Variants in ASIC2 observed in about 807,000 individuals in gnomAD.
The protein encoded by ASIC2 is acid sensing ion channel subunit 2.
Under a neutral mutation model 57.3 loss-of-function variants are expected in ASIC2, and 25 were observed. That is an observed-to-expected ratio of 0.44 (90% CI 0.32 to 0.61). The LOEUF is 0.61. Ranked by LOEUF, ASIC2 falls within the 20% of genes least tolerant of loss-of-function variation. The probability of loss-of-function intolerance (pLI) is 0.06; values close to 1 mark genes in which losing one functional copy is unlikely to be tolerated. For synonymous variants in ASIC2, 319 were observed against 307.5 expected, an observed-to-expected ratio of 1.04 and a Z score of -0.39; for missense variants, 641 against 738.1, an observed-to-expected ratio of 0.87 and a Z score of 1.52.
chr17:33,341,292 C>T lies in ASIC2; in HGVS notation c.556-229225G>A, dbSNP rs1567828474. Among the ~76,000 whole-genome samples, 4 of 152,164 alleles carry T rather than the reference C, an allele frequency of 2.6e-5. No individual in the cohort carries two copies. The South Asian group carries it at 8.3e-4, about 32-fold the overall frequency. On this transcript the variant is annotated intron_variant, in intron 1 of 9. Coordinates refer to the ASIC2 transcript ENST00000359872. Reference sequence around the variant, plus strand: ...CTTTCCCCATTCCAGGTAATTTTGACATGGGCTGTCCAGGACCAACCATGG... The same window carrying T: ...CTTTCCCCATTCCAGGTAATTTTGATATGGGCTGTCCAGGACCAACCATGG...
chr17:33,486,644 T>C (rs1487305348), intron 1 of ASIC2, among the ~76,000 whole-genome samples: 1 of 152,184 alleles, frequency 6.6e-6, no homozygotes, highest in Non-Finnish European at 1.5e-5. Flanking sequence ...AAAGCCTTGT[T>C]TTGGAGGAAT....
intron 1 of ASIC2, among the ~76,000 whole-genome samples, chr17:33,778,736 G>A (rs1368154131): frequency 2.0e-5 from 3 of 152,180 alleles, no homozygotes; most frequent in African/African-American, 7.2e-5. Flanking sequence ...TCCAAGATAA[G>A]ATGGGAAAGA....
chr17:33,193,832 T>G (rs1031336178), intron 1 of ASIC2, among the ~76,000 whole-genome samples: 1 of 152,196 alleles, frequency 6.6e-6, no homozygotes, highest in African/African-American at 2.4e-5. Flanking sequence ...CTTGGGAACA[T>G]CCCTGTGGGA....
chr17:33,567,026 T>G (rs556910262), intron 1 of ASIC2, among the ~76,000 whole-genome samples: 71 of 152,214 alleles, frequency 4.7e-4, no homozygotes, highest in Non-Finnish European at 8.1e-4. Context: ...CAAGTAGATA[T>G]GAGTATTCCT....
At chr17:33,847,885 G>T (rs1913655294) in intron 1 of ASIC2, among the ~76,000 whole-genome samples, 1 of 152,158 alleles carries the variant, frequency 6.6e-6, no homozygotes, top group Non-Finnish European at 1.5e-5. Flanking sequence ...AATGGGAGTG[G>T]AGAGTACAGG....
chr17:33,414,159 A>C (rs1449631874), intron 1 of ASIC2, among the ~76,000 whole-genome samples: 1 of 152,170 alleles, frequency 6.6e-6, no homozygotes, highest in Non-Finnish European at 1.5e-5. Context: ...GGTACACGCC[A>C]TAGGTACTTG....
At chr17:33,032,168 C>T (rs897726118) in intron 3 of ASIC2, among the ~76,000 whole-genome samples, 20 of 151,952 alleles carry the variant, frequency 1.3e-4, no homozygotes, top group African/African-American at 4.6e-4. Flanking sequence ...CTATTTGTAC[C>T]GATTTCTAGT....
chr17:33,086,565 A>G (rs2092134531), intron 3 of ASIC2, among the ~76,000 whole-genome samples: 3 of 152,186 alleles, frequency 2.0e-5, no homozygotes, highest in Non-Finnish European at 4.4e-5. Context: ...CTCCTTGACC[A>G]GACTCTAGCC....
chr17:34,099,062 G>A (rs1022069148), intron 1 of ASIC2, among the ~76,000 whole-genome samples: 2 of 149,468 alleles, frequency 1.3e-5, no homozygotes, highest in Non-Finnish European at 3.0e-5. Context: ...AGGAAAGAGG[G>A]CGATGCTCTA....
At chr17:34,124,146 A>ATTT in intron 1 of ASIC2, among the ~76,000 whole-genome samples, 1 of 152,272 alleles carries the variant, frequency 6.6e-6, no homozygotes, top group South Asian at 2.1e-4. Context: ...CATTGGTATT[A>ATTT]TTTTTCTCAC....
chr17:33,383,415 C>G (rs1245956587), intron 1 of ASIC2, among the ~76,000 whole-genome samples: 8 of 152,180 alleles, frequency 5.3e-5, no homozygotes, highest in African/African-American at 1.7e-4. Flanking sequence ...CGGCTCCTAC[C>G]TCCTGGGAGT....
At chr17:34,120,012 A>C (rs528573499) in intron 1 of ASIC2, 1 of 152,080 alleles carries the variant, frequency 6.6e-6, no homozygotes, top group Non-Finnish European at 1.5e-5. Context: ...CCTCATTCAC[A>C]CGATTTCCTG....
chr17:34,127,191 G>A (rs1911812355), intron 1 of ASIC2, among the ~76,000 whole-genome samples: 1 of 152,140 alleles, frequency 6.6e-6, no homozygotes, highest in South Asian at 2.1e-4. Flanking sequence ...AAAGGCCAGG[G>A]GGTCAAAGGA....
At position 33,821,260 on chromosome 17, in the gene ASIC2, A is replaced by G. The variant is rs143771093; in HGVS notation, c.555+334718T>C. Among the ~76,000 whole-genome samples the G allele has an allele frequency of 9.6e-3, 1,466 of 152,214 alleles. 11 individuals are homozygous for G. The highest frequency in any genetic ancestry group is 0.013 in the Admixed American group (201 of 15,288). On this transcript the variant is annotated intron_variant, in intron 1 of 9. Coordinates refer to the ASIC2 transcript ENST00000359872. Reference sequence around the variant, plus strand: ...TATTCTTCCGTTGTCCCACCCCTCAAATACCTAGCTTGGTTAGTTTACTGA... The same window carrying G: ...TATTCTTCCGTTGTCCCACCCCTCAGATACCTAGCTTGGTTAGTTTACTGA...
chr17:33,303,969 A>G (rs1165789675), intron 1 of ASIC2, among the ~76,000 whole-genome samples: 1 of 152,202 alleles, frequency 6.6e-6, no homozygotes, highest in African/African-American at 2.4e-5. Flanking sequence ...GTGATTCCAT[A>G]CCCTAGGGTT....
At chr17:33,308,571 A>T (rs538580338) in intron 1 of ASIC2, among the ~76,000 whole-genome samples, 1 of 152,222 alleles carries the variant, frequency 6.6e-6, no homozygotes, top group Non-Finnish European at 1.5e-5. Context: ...AGTGCGTGGA[A>T]TACTGTAGGT....
intron 1 of ASIC2, among the ~76,000 whole-genome samples, chr17:33,641,049 T>C (rs2142033452): frequency 6.6e-6 from 1 of 152,292 alleles, no homozygotes; most frequent in East Asian, 1.9e-4. Context: ...TAACTTGCTG[T>C]GATGCTGAAG....
At chr17:33,156,567 C>T (rs1023450346) in intron 1 of ASIC2, among the ~76,000 whole-genome samples, 1 of 151,792 alleles carries the variant, frequency 6.6e-6, no homozygotes, top group African/African-American at 2.4e-5. Context: ...ACCAGCCTGA[C>T]CAACATGTTG....
chr17:33,246,453 C>T (rs73982475), intron 1 of ASIC2, among the ~76,000 whole-genome samples: 16,113 of 152,224 alleles, frequency 0.11, 1,024 homozygotes, highest in East Asian at 0.22. Flanking sequence ...GTATTTAAAA[C>T]GAACTTCAGT....
Sources: allele counts gnomAD v4.1 joint callset (sites outside exome capture counted in the v4.1 genomes callset), GRCh38; gene constraint gnomAD v4.1.1; transcripts MANE v1.5; gene names NCBI Gene and HGNC (gene_info 2026-07-23, HGNC 2026-07-21).